The following SPATA13 variants were observed in gnomAD, a reference collection of about 807,000 sequenced individuals.
SPATA13 encodes the protein spermatogenesis-associated protein 13.
A neutral mutation model predicts 104.0 loss-of-function variants in SPATA13; 50 were observed. That is an observed-to-expected ratio of 0.48 (90% confidence interval 0.38 to 0.61). The LOEUF (loss-of-function observed/expected upper bound fraction) is 0.61. SPATA13 is among the 20% of genes least tolerant of loss of function. The pLI is 0.00. For missense variants in SPATA13, 1,524 were observed against 1,690.6 expected, an observed-to-expected ratio of 0.90 and a Z score of 1.73; for synonymous variants, 606 against 667.5, an observed-to-expected ratio of 0.91 and a Z score of 1.42.
rs971162728 is a variant in SPATA13, at chr13:24,088,251, T to C, written c.-112+70550T>C. Reference sequence around the variant, plus strand: ...ATGCCCACAGTGTTTGAGGTAGGGATTGTTTGCATTCTACAGATGAGCACA... The same window carrying C: ...ATGCCCACAGTGTTTGAGGTAGGGACTGTTTGCATTCTACAGATGAGCACA... On this transcript the variant is annotated intron_variant, in intron 3 of 14. Transcript: ENST00000424834. The surrounding 1 kb of genome is among the most constrained non-coding windows in gnomAD (Gnocchi z 4.3). Among the ~76,000 whole-genome samples, 2 of 152,138 alleles carry C rather than the reference T, an allele frequency of 1.3e-5. No individual in the cohort carries two copies. The highest frequency in any genetic ancestry group is 2.4e-5 in the African/African-American group (1 of 41,430).
Position 24,118,662 on chromosome 13 carries a change from C to T in SPATA13, c.-112+100961C>T, listed in dbSNP as rs148834270. Among the ~76,000 whole-genome samples the T allele has an allele frequency of 7.5e-3, 1,134 of 152,196 alleles. 7 individuals are homozygous for T. Among genetic ancestry groups the T allele is most frequent in the Middle Eastern group, 0.017 (5 of 294 alleles). ...GTTCCTGGTGATGCTGGTGCAGTAG[C>T]TTCAGGAAGCACACCCCAAGCAGGA... On this transcript the variant is annotated intron_variant, in intron 3 of 14. Transcript: ENST00000424834.
chr13:24,196,262 A>G (rs897265285), intron 1 of SPATA13, among the ~76,000 whole-genome samples: 6 of 152,172 alleles, frequency 3.9e-5, no homozygotes, highest in African/African-American at 1.4e-4. Context: ...TGTGTTCCCT[A>G]AGAGTGAGGC....
chr13:24,288,794 C>A (rs555366876), intron 7 of SPATA13, among the ~76,000 whole-genome samples: 1 of 152,164 alleles, frequency 6.6e-6, no homozygotes, highest in Non-Finnish European at 1.5e-5. Context: ...TAAATCCAAC[C>A]GCATGAGCCT....
intron 3 of SPATA13, among the ~76,000 whole-genome samples, chr13:24,126,572 C>T (rs975527844): frequency 6.6e-6 from 1 of 152,086 alleles, no homozygotes; most frequent in African/African-American, 2.4e-5. Context: ...ACTCCCAGGG[C>T]GCAGGACAGA....
intron 3 of SPATA13, among the ~76,000 whole-genome samples, chr13:24,018,512 T>C (rs928777076): frequency 8.5e-5 from 13 of 152,256 alleles, no homozygotes; most frequent in African/African-American, 3.1e-4. Context: ...TTTAACGAGC[T>C]AGACAATACA....
Position 24,288,302 on chromosome 13 carries a change from A to G in SPATA13, c.2668-697A>G, listed in dbSNP as rs9580917. 6.5e-3 allele frequency among the ~76,000 whole-genome samples: 985 copies of G among 152,146 alleles called. 8 individuals are homozygous for G. The highest frequency in any genetic ancestry group is 0.023 in the African/African-American group (952 of 41,488). On this transcript the variant is annotated intron_variant, in intron 7 of 12. Transcript: ENST00000382108. ...ATCCTTTTCTGAACTATTACATTAT[A>G]TTGTTTTCCTGTTAAAATTCATACC...
At chr13:24,082,483 A>G (rs1008081559) in intron 3 of SPATA13, among the ~76,000 whole-genome samples, 2 of 152,228 alleles carry the variant, frequency 1.3e-5, no homozygotes, top group Non-Finnish European at 2.9e-5. Flanking sequence ...TGGGATACAC[A>G]GGAAGCTGTG....
At chr13:24,188,550 G>T (rs2760362) in intron 1 of SPATA13, among the ~76,000 whole-genome samples, 3 of 151,832 alleles carry the variant, frequency 2.0e-5, no homozygotes, top group African/African-American at 7.3e-5. Context: ...GGTGAAGAAA[G>T]GTTTGAAGCT....
chr13:24,201,321 A>G (rs1439859051), intron 1 of SPATA13, among the ~76,000 whole-genome samples: 2 of 150,684 alleles, frequency 1.3e-5, no homozygotes, highest in Admixed American at 1.3e-4. Context: ...TAGAAAAACT[A>G]CCCCCTCTCC....
At chr13:24,146,637 C>G (rs1462691217) in intron 3 of SPATA13, among the ~76,000 whole-genome samples, 1 of 72,974 alleles carries the variant, frequency 1.4e-5, no homozygotes, top group African/African-American at 4.4e-5. Context: ...TGGAAATGCA[C>G]AGCAATTTAA....
chr13:24,064,099 T>C (rs1176141493), intron 3 of SPATA13, among the ~76,000 whole-genome samples: 2 of 152,208 alleles, frequency 1.3e-5, no homozygotes, highest in Non-Finnish European at 2.9e-5. Context: ...GCACTTTCTC[T>C]TGTCAGTGTT....
intron 1 of SPATA13, among the ~76,000 whole-genome samples, chr13:24,174,900 C>T (rs1452268527): frequency 6.6e-6 from 1 of 152,198 alleles, no homozygotes; most frequent in African/African-American, 2.4e-5. Flanking sequence ...CTTTAGAGTT[C>T]CCCCTTGACT....
At chr13:24,283,090 G>A (rs909655077) in intron 4 of SPATA13, among the ~76,000 whole-genome samples, 3 of 152,112 alleles carry the variant, frequency 2.0e-5, no homozygotes, top group Non-Finnish European at 2.9e-5. Flanking sequence ...CATGTGCTTC[G>A]AATCAAGCCA....
At position 24,046,078 on chromosome 13, in the gene SPATA13, C is replaced by T. The variant is rs146199853; in HGVS notation, c.-112+28377C>T. On this transcript the variant is annotated intron_variant, in intron 3 of 14. Coordinates refer to the SPATA13 transcript ENST00000424834. ...ATAATAAATGCTGTGCAGAACCATG[C>T]GTTAGATTTTTTTTTAAGTCTTGCT... Among the ~76,000 whole-genome samples the T allele has an allele frequency of 8.5e-5, 13 of 152,168 alleles. No homozygotes were observed. The East Asian group carries it at 1.9e-3, about 23-fold the overall frequency.
chr13:24,224,597 G>A lies in SPATA13; in HGVS notation c.1653+15G>A, dbSNP rs1028653575. 40 of 1,537,010 alleles carry A rather than the reference G, an allele frequency of 2.6e-5. No individual in the cohort carries two copies. Among genetic ancestry groups the A allele is most frequent in the Admixed American group, 2.2e-4 (11 of 50,992 alleles). ...AGAAGGAGGAGGTAAGGGCAGCGGC[G>A]AGGTCCCTCATGTGGGCGACCCTCC... On this transcript the variant is annotated intron_variant, in intron 2 of 12. Coordinates refer to ENST00000382108, the MANE Select transcript of SPATA13 (RefSeq NM_001166271.3).
chr13:24,297,428 G>A lies in SPATA13; in HGVS notation c.3276G>A (p.Lys1092=). ...CTGGGGAGCTGACCAAAATCACTAA[G>A]CAAGGCAAAAGCCAGCAGCGGACGT... The part of the protein sequence containing the change: ...IHSGELTKIT[K]QGKSQQRTFF... Residue 1092 remains lysine, a synonymous_variant, in exon 11 of 13, where the codon AAG becomes AAA. Transcript: ENST00000382108. 6.2e-7 allele frequency: 1 copy of A among 1,614,124 alleles called. No homozygotes were observed. Among genetic ancestry groups the A allele is most frequent in the Non-Finnish European group, 8.5e-7 (1 of 1,180,024 alleles).
At chr13:24,212,744 T>C (rs532977337) in intron 1 of SPATA13, among the ~76,000 whole-genome samples, 4 of 152,180 alleles carry the variant, frequency 2.6e-5, no homozygotes, top group Non-Finnish European at 5.9e-5. Context: ...TGCCAGATAT[T>C]GAAAAAAAGA....
intron 3 of SPATA13, among the ~76,000 whole-genome samples, chr13:24,055,869 G>T (rs1294699496): frequency 6.6e-6 from 1 of 152,228 alleles, no homozygotes; most frequent in East Asian, 1.9e-4. Context: ...ACCACCGCAC[G>T]GGTCCAGAAT....
intron 3 of SPATA13, among the ~76,000 whole-genome samples, chr13:24,108,179 T>C (rs1880516097): frequency 6.6e-6 from 1 of 152,220 alleles, no homozygotes; most frequent in South Asian, 2.1e-4. Context: ...TTTATAGGGT[T>C]ACTAATCCAT....
Sources: gnomAD v4.1 joint callset for allele counts (sites outside exome capture counted in the v4.1 genomes callset) on GRCh38, gnomAD v4.1.1 for gene constraint, Gnocchi (gnomAD v3.1) non-coding constraint, MANE v1.5 for transcripts, NCBI Gene and HGNC (gene_info 2026-07-23, HGNC 2026-07-21) for gene names.